FRMD6: variants seen among roughly 807,000 people sequenced by gnomAD.
FRMD6 encodes the protein FERM domain containing 6, also known as FERM domain-containing protein 6.
Under a neutral mutation model 73.2 loss-of-function variants are expected in FRMD6, and 37 were observed. The observed-to-expected ratio is 0.51, with a 90% CI of 0.39 to 0.66. FRMD6 has a LOEUF of 0.66. Ranked by LOEUF, FRMD6 falls within the 30% of genes least tolerant of loss-of-function variation. FRMD6 has a pLI of 0.00. For synonymous variants in FRMD6, 273 were observed against 282.2 expected (o/e 0.97, Z 0.33); for missense variants, 714 against 780.5 (o/e 0.91, Z 1.02).
intron 1 of FRMD6, among the ~76,000 whole-genome samples, chr14:51,654,304 T>TTG (rs769906388): frequency 3.1e-5 from 2 of 64,772 alleles, no homozygotes; most frequent in African/African-American, 1.0e-4. Context: ...GTTAGCTGAA[T>TTG]TGGGGGGGGG....
chr14:51,606,493 C>G (rs1890262260), intron 2 of FRMD6, among the ~76,000 whole-genome samples: 8 of 152,284 alleles, frequency 5.3e-5, no homozygotes, highest in Middle Eastern at 3.4e-3. Flanking sequence ...CCCATCACCT[C>G]TGTCCTAATG....
chr14:51,548,426 G>T (rs529170664), intron 1 of FRMD6, among the ~76,000 whole-genome samples: 1 of 152,144 alleles, frequency 6.6e-6, no homozygotes, highest in Admixed American at 6.5e-5. Flanking sequence ...GTGGCTTTGC[G>T]GGTCTGCAGC....
the FRMD6 span, among the ~76,000 whole-genome samples, chr14:51,473,736 C>T: frequency 1.3e-5 from 2 of 152,210 alleles, no homozygotes; most frequent in African/African-American, 4.8e-5. Flanking sequence ...TTCCCAGCCA[C>T]ACCCTTGAGG....
the FRMD6 span, among the ~76,000 whole-genome samples, chr14:51,465,049 A>G: frequency 6.6e-6 from 1 of 152,214 alleles, no homozygotes; most frequent in African/African-American, 2.4e-5. Flanking sequence ...AATTAAAAGA[A>G]TGGCTCTTAA....
intron 1 of FRMD6, among the ~76,000 whole-genome samples, chr14:51,561,146 T>C (rs973519926): frequency 1.3e-5 from 2 of 152,176 alleles, no homozygotes; most frequent in African/African-American, 4.8e-5. Flanking sequence ...TAACTTAAGA[T>C]GAAGTCTTTC....
At chr14:51,585,310 C>T (rs778374032) in intron 2 of FRMD6, among the ~76,000 whole-genome samples, 13 of 152,174 alleles carry the variant, frequency 8.5e-5, no homozygotes, top group Admixed American at 4.6e-4. Flanking sequence ...TATACACATA[C>T]GACTTAAATT....
chr14:51,556,679 C>T (rs755572304), intron 1 of FRMD6, among the ~76,000 whole-genome samples: 9 of 152,162 alleles, frequency 5.9e-5, no homozygotes, highest in Non-Finnish European at 1.2e-4. Context: ...CTTTCCAATT[C>T]GTAGTCCATT....
intron 1 of FRMD6, among the ~76,000 whole-genome samples, chr14:51,655,422 A>C (rs1892751606): frequency 6.6e-6 from 1 of 152,110 alleles, no homozygotes; most frequent in Admixed American, 6.6e-5. Context: ...GTGAAATTTC[A>C]GTTATAATGT....
chr14:51,478,872 A>G, the FRMD6 span, among the ~76,000 whole-genome samples: 1 of 152,226 alleles, frequency 6.6e-6, no homozygotes, highest in African/African-American at 2.4e-5. Flanking sequence ...TGTAATATTT[A>G]TCTTTGATGA....
At chr14:51,427,957 C>G in the FRMD6 span, among the ~76,000 whole-genome samples, 1 of 152,150 alleles carries the variant, frequency 6.6e-6, no homozygotes, top group Non-Finnish European at 1.5e-5. Context: ...CAAAATATAA[C>G]TACATTTTTA....
chr14:51,459,909 A>C, the FRMD6 span, among the ~76,000 whole-genome samples: 1 of 20,974 alleles, frequency 4.8e-5, no homozygotes, highest in Non-Finnish European at 8.1e-5. Flanking sequence ...TTTTTTACAA[A>C]CTTCGGCTAT....
intron 2 of FRMD6, among the ~76,000 whole-genome samples, chr14:51,603,228 GA>G (rs1378440013): frequency 5.4e-5 from 8 of 147,470 alleles, no homozygotes; most frequent in African/African-American, 7.5e-5. Flanking sequence ...AGAACTATAG[GA>G]AAAAAATTTC....
At position 51,725,845 on chromosome 14, in the gene FRMD6, G is replaced by GC; in HGVS notation, c.1561dup (p.Gln521ProfsTer4). ...TCAGAAACAGTTGTTAAGCTTCGTG[G>GC]CCAGAGTACTGATTCTCTTCCACAG... On this transcript the variant is annotated frameshift_variant, in exon 13 of 14. Coordinates refer to ENST00000344768, the MANE Select transcript of FRMD6 (RefSeq NM_001267046.2). LOFTEE classifies it high-confidence loss of function. 6.2e-7 allele frequency: 1 copy of GC among 1,613,408 alleles called. No homozygotes were observed.
At chr14:51,609,983 T>C (rs941501879) in intron 2 of FRMD6, among the ~76,000 whole-genome samples, 1 of 152,190 alleles carries the variant, frequency 6.6e-6, no homozygotes, top group Non-Finnish European at 1.5e-5. Context: ...CATGTTCAGA[T>C]AGAGGATTGA....
intron 11 of FRMD6, among the ~76,000 whole-genome samples, 196 bp from the exon 12 acceptor site, chr14:51,721,753 A>AGGAGGGAAGGAGGGAAGGAGGGAAGGAG (rs1555340789): frequency 1.8e-4 from 20 of 108,748 alleles, no homozygotes; most frequent in African/African-American, 3.5e-4. Context: ...GAAGGGAGGA[A>AGGAGGGAAGGAGGGAAGGAGGGAAGGAG]GGAAGGAGGG....
chr14:51,478,075 CT>C, the FRMD6 span, among the ~76,000 whole-genome samples: 1 of 152,124 alleles, frequency 6.6e-6, no homozygotes, highest in African/African-American at 2.4e-5. Context: ...CATGTTATAT[CT>C]TTCCCCCAAC....
At chr14:51,419,860 C>T in the FRMD6 span, among the ~76,000 whole-genome samples, 14 of 151,886 alleles carry the variant, frequency 9.2e-5, no homozygotes, top group South Asian at 2.1e-4. Flanking sequence ...GGTATAGTCA[C>T]GTGACTTCCT....
chr14:51,704,500 A>G (rs1273493665), intron 5 of FRMD6: 30 of 424,378 alleles, frequency 7.1e-5, no homozygotes, highest in Non-Finnish European at 1.1e-4. Context: ...AATGAATCAA[A>G]TGCTGTAAGC....
At chr14:51,672,720 G>A (rs138091788) in intron 1 of FRMD6, among the ~76,000 whole-genome samples, 184 of 151,968 alleles carry the variant, frequency 1.2e-3, no homozygotes, top group African/African-American at 4.2e-3. Context: ...TATCTATTTC[G>A]TCTTGAATGA....
Sources: allele counts gnomAD v4.1 joint callset (sites outside exome capture counted in the v4.1 genomes callset), GRCh38; gene constraint gnomAD v4.1.1; transcripts MANE v1.5; gene names NCBI Gene and HGNC (gene_info 2026-07-23, HGNC 2026-07-21).